MRM1: variants seen among roughly 807,000 people sequenced by gnomAD.
MRM1 encodes rRNA methyltransferase 1, mitochondrial.
In MRM1, 24 loss-of-function variants were observed where a neutral mutation model predicts 25.0. The ratio of observed to expected loss-of-function variants is 0.96; its 90% CI spans 0.69 to 1.35. The LOEUF (loss-of-function observed/expected upper bound fraction) is 1.35. MRM1 is among the 40% of genes most tolerant of loss of function. The probability of loss-of-function intolerance (pLI) is 0.00; values close to 1 mark genes in which losing one functional copy is unlikely to be tolerated. For missense variants in MRM1, 431 were observed against 464.1 expected (o/e 0.93, Z 0.65); for synonymous variants, 188 against 199.2 (o/e 0.94, Z 0.47).
At chr17:36,606,794 A>T (rs759593603) in intron 2 of MRM1, among the ~76,000 whole-genome samples, 9 of 151,844 alleles carry the variant, frequency 5.9e-5, no homozygotes, top group Non-Finnish European at 1.0e-4. Context: ...TGTTTTTAGT[A>T]GAGACGGAGT....
At chr17:36,616,027 A>T in the MRM1 span, among the ~76,000 whole-genome samples, 2 of 151,802 alleles carry the variant, frequency 1.3e-5, no homozygotes, top group South Asian at 4.2e-4. Flanking sequence ...ACGACAACAA[A>T]ACTTTCTTGC....
At chr17:36,631,207 C>G in the MRM1 span, among the ~76,000 whole-genome samples, 5 of 152,316 alleles carry the variant, frequency 3.3e-5, no homozygotes, top group Middle Eastern at 0.014. Context: ...CCTCTTTGAA[C>G]CTTGGGTTCC....
At chr17:36,606,607 C>CT (rs71159627) in intron 2 of MRM1, among the ~76,000 whole-genome samples, 58,111 of 142,762 alleles carry the variant, frequency 0.41, 12,062 homozygotes, top group African/African-American at 0.51. Flanking sequence ...TCAGGCTAGT[C>CT]TTTTTTTTTT....
chr17:36,627,369 T>C, the MRM1 span, among the ~76,000 whole-genome samples: 1 of 152,196 alleles, frequency 6.6e-6, no homozygotes, highest in African/African-American at 2.4e-5. Context: ...TCACTTAGGA[T>C]GATTACCTTT....
At position 36,608,422 on chromosome 17, in the gene MRM1, C is replaced by G; in HGVS notation, c.*7C>G. On this transcript the variant is annotated 3_prime_UTR_variant, in exon 5 of 5. Coordinates refer to ENST00000614766, the MANE Select transcript of MRM1 (RefSeq NM_024864.5). ...GAGGCAAAATGAGGGCTGACGTGGA[C>G]TGTCCACAGTGTTCATGTGCTGGAG... 2 of 1,547,734 alleles carry G rather than the reference C, an allele frequency of 1.3e-6. No homozygotes were observed. The highest frequency in any genetic ancestry group is 1.3e-5 in the South Asian group (1 of 79,452).
At chr17:36,622,454 C>A in the MRM1 span, among the ~76,000 whole-genome samples, 1 of 152,018 alleles carries the variant, frequency 6.6e-6, no homozygotes, top group Non-Finnish European at 1.5e-5. Context: ...CACCTGTAAT[C>A]CCAGCTACTC....
At chr17:36,609,669 G>T (rs1208315684), downstream of MRM1, among the ~76,000 whole-genome samples, 1 of 152,154 alleles carries the variant, frequency 6.6e-6, no homozygotes, top group East Asian at 1.9e-4. Flanking sequence ...CCCCGAACTT[G>T]CAATCCTGAC....
chr17:36,601,698 G>A lies in MRM1; in HGVS notation c.-113G>A, dbSNP rs1370985366. The A allele has an allele frequency of 1.8e-6, 2 of 1,135,036 alleles. No individual in the cohort carries two copies. The highest frequency in any genetic ancestry group is 2.4e-6 in the Non-Finnish European group (2 of 824,872). The allele number at this position is 1,135,036 out of a possible 1,614,324, so 70.3% of individuals were successfully genotyped here. ...CTGTCCGAGAGAGCTCGGCGGAGAC[G>A]GCTGTCGAGTACCCTTCACCTCGGT... On this transcript the variant is annotated 5_prime_UTR_variant, in exon 1 of 5. Coordinates refer to ENST00000614766, the MANE Select transcript of MRM1 (RefSeq NM_024864.5).
At chr17:36,615,039 C>G in the MRM1 span, among the ~76,000 whole-genome samples, 1 of 152,184 alleles carries the variant, frequency 6.6e-6, no homozygotes, top group Non-Finnish European at 1.5e-5. Flanking sequence ...CTCTTTGAAT[C>G]AGGACCAGGA....
chr17:36,630,238 G>A, the MRM1 span, among the ~76,000 whole-genome samples: 1 of 152,196 alleles, frequency 6.6e-6, no homozygotes, highest in South Asian at 2.1e-4. Flanking sequence ...ACTCAGTGCT[G>A]TTGAGTGATT....
chr17:36,608,655 T>C lies in MRM1; in HGVS notation c.*240T>C. 2.5e-6 allele frequency: 1 copy of C among 400,448 alleles called. No homozygotes were observed. Among genetic ancestry groups the C allele is most frequent in the Non-Finnish European group, 4.4e-6 (1 of 227,438 alleles). The allele number at this position is 400,448 out of a possible 1,614,324, so 24.8% of individuals were successfully genotyped here. A position where few individuals can be genotyped will look rare whatever the true frequency, so the allele number is the denominator to read the frequency against. ...ATTTCCATGGGAAGCCATGATGGCC[T>C]AGCATGGAGGGAATCTGTTCCCAGG... is the stretch of plus-strand genomic sequence containing the variant. On this transcript the variant is annotated 3_prime_UTR_variant, in exon 5 of 5. Coordinates refer to ENST00000614766, the MANE Select transcript of MRM1 (RefSeq NM_024864.5).
downstream of MRM1, among the ~76,000 whole-genome samples, chr17:36,610,191 G>A (rs570203425): frequency 2.9e-4 from 44 of 151,348 alleles, no homozygotes; most frequent in African/African-American, 1.1e-3. Context: ...GCCTCCCAAA[G>A]TGCTGGCATT....
chr17:36,632,324 G>C, the MRM1 span, among the ~76,000 whole-genome samples: 1 of 152,138 alleles, frequency 6.6e-6, no homozygotes, highest in African/African-American at 2.4e-5. Flanking sequence ...AGGAGAGCCA[G>C]CTCCCGGCCA....
At chr17:36,603,565 AT>A (rs5820169) in intron 2 of MRM1, among the ~76,000 whole-genome samples, 48,099 of 147,798 alleles carry the variant, frequency 0.33, 8,481 homozygotes, top group Non-Finnish European at 0.41. Context: ...TGCCCAGCTA[AT>A]TTTTTTTTTT....
the MRM1 span, among the ~76,000 whole-genome samples, chr17:36,617,016 G>T: frequency 6.6e-6 from 1 of 151,406 alleles, no homozygotes; most frequent in Admixed American, 6.6e-5. Flanking sequence ...ATGAACCACC[G>T]CCCAGGCTTT....
At chr17:36,625,492 T>A in the MRM1 span, among the ~76,000 whole-genome samples, 1 of 108,254 alleles carries the variant, frequency 9.2e-6, no homozygotes, top group Non-Finnish European at 1.8e-5. Flanking sequence ...TGAGAAAGAG[T>A]CTTACTCTGT....
chr17:36,624,726 G>A, the MRM1 span, among the ~76,000 whole-genome samples: 1 of 152,120 alleles, frequency 6.6e-6, no homozygotes, highest in Non-Finnish European at 1.5e-5. This position sits in a 1 kb window ranked among gnomAD's most constrained non-coding sequence, Gnocchi z 4.0. Context: ...CCAGACTTGT[G>A]TCCCGGCCCT....
the MRM1 span, among the ~76,000 whole-genome samples, chr17:36,627,674 GTTTTTTTTTTTTT>G: frequency 3.6e-5 from 3 of 83,728 alleles, no homozygotes; most frequent in Admixed American, 1.4e-4. Flanking sequence ...TTTGGACACT[GTTTTTTTTTTTTT>G]TTTTTTTTTT....
At chr17:36,621,812 G>A in the MRM1 span, among the ~76,000 whole-genome samples, 2 of 152,176 alleles carry the variant, frequency 1.3e-5, no homozygotes, top group East Asian at 1.9e-4. Flanking sequence ...AAGACCCTGG[G>A]TATGTCACTG....
Sources: gnomAD v4.1 joint callset for allele counts (sites outside exome capture counted in the v4.1 genomes callset) on GRCh38, gnomAD v4.1.1 for gene constraint, Gnocchi (gnomAD v3.1) non-coding constraint, MANE v1.5 for transcripts, NCBI Gene and HGNC (gene_info 2026-07-23, HGNC 2026-07-21) for gene names.